Variants in MYO5B observed in about 807,000 individuals in gnomAD.
The protein encoded by MYO5B is unconventional myosin-Vb.
MYO5B carries 143 observed loss-of-function variants against 229.3 expected under a neutral mutation model. That is an observed-to-expected ratio of 0.62 (90% CI 0.54 to 0.72). The LOEUF (loss-of-function observed/expected upper bound fraction) is 0.72. Among genes scored for constraint, MYO5B ranks in the 30% least tolerant of loss-of-function variants. The pLI is 0.00. For synonymous variants in MYO5B, 918 were observed against 885.2 expected, an observed-to-expected ratio of 1.04 and a Z score of -0.66; for missense variants, 2,321 against 2,331.0, an observed-to-expected ratio of 1.00 and a Z score of 0.09.
intron 18 of MYO5B, among the ~76,000 whole-genome samples, chr18:49,907,549 CT>C (rs2024913150): frequency 6.6e-6 from 1 of 152,190 alleles, no homozygotes; most frequent in Non-Finnish European, 1.5e-5. Context: ...CAACTGCCAT[CT>C]CATTTTGCTC....
At chr18:49,843,768 T>C (rs1394080033) in intron 33 of MYO5B, among the ~76,000 whole-genome samples, 1 of 152,222 alleles carries the variant, frequency 6.6e-6, no homozygotes, top group African/African-American at 2.4e-5. Flanking sequence ...GGACAGGGCC[T>C]AGCTCCCACA....
At chr18:50,065,437 C>T (rs1016952709) in intron 1 of MYO5B, among the ~76,000 whole-genome samples, 5 of 152,096 alleles carry the variant, frequency 3.3e-5, no homozygotes, top group African/African-American at 1.2e-4. Context: ...ACAATCATGG[C>T]GGAAGGCGAA....
intron 4 of MYO5B, among the ~76,000 whole-genome samples, chr18:50,023,265 C>T (rs995396735): frequency 1.3e-5 from 2 of 152,076 alleles, no homozygotes; most frequent in Non-Finnish European, 2.9e-5. Flanking sequence ...AATGGGAGCA[C>T]CTGGATTCTA....
rs142306688 is a variant in MYO5B at position 50,099,553 on chromosome 18, T to C, written c.28-44175A>G. Among the ~76,000 whole-genome samples, 848 of 152,260 alleles carry C rather than the reference T, an allele frequency of 5.6e-3. 8 individuals carry two copies. The highest frequency in any genetic ancestry group is 0.019 in the African/African-American group (810 of 41,550). ...GCCAGCCTTGTAAGTAAAACGTAGT[T>C]GATTCTTGGGGTTCTACTACCAACA... On this transcript the variant is annotated intron_variant, in intron 1 of 39. Transcript: ENST00000285039.
chr18:50,079,594 G>A (rs940426054), intron 1 of MYO5B, among the ~76,000 whole-genome samples: 6 of 152,210 alleles, frequency 3.9e-5, no homozygotes, highest in Non-Finnish European at 8.8e-5. Flanking sequence ...TGGTCTCACT[G>A]GCATTGGAGA....
chr18:50,034,252 C>A (rs1034638338), intron 4 of MYO5B, among the ~76,000 whole-genome samples: 2 of 152,158 alleles, frequency 1.3e-5, no homozygotes, highest in African/African-American at 4.8e-5. Context: ...AGACAGTTGA[C>A]AAGTACTGTT....
chr18:49,955,059 G>A (rs901911738), intron 12 of MYO5B, among the ~76,000 whole-genome samples: 5 of 152,134 alleles, frequency 3.3e-5, no homozygotes, highest in African/African-American at 1.2e-4. Context: ...AGTTTGTTGT[G>A]ATCAAGGACT....
chr18:50,038,680 G>A (rs887646064), intron 3 of MYO5B, among the ~76,000 whole-genome samples: 2 of 152,120 alleles, frequency 1.3e-5, no homozygotes, highest in African/African-American at 4.8e-5. Flanking sequence ...AGACTTCTGT[G>A]CCATTCAGTC....
At chr18:49,858,283 C>T (rs1023996831) in intron 29 of MYO5B, among the ~76,000 whole-genome samples, 5 of 152,238 alleles carry the variant, frequency 3.3e-5, no homozygotes, top group African/African-American at 4.8e-5. Flanking sequence ...CATTTTACTA[C>T]GGCCTTTCAT....
intron 27 of MYO5B, among the ~76,000 whole-genome samples, chr18:49,865,820 G>A (rs1320834821): frequency 6.6e-6 from 1 of 152,190 alleles, no homozygotes; most frequent in East Asian, 1.9e-4. Context: ...AGCTCTGGCT[G>A]TTTTTCAAGG....
chr18:50,051,159 T>C (rs900415344), intron 2 of MYO5B, among the ~76,000 whole-genome samples: 1 of 152,134 alleles, frequency 6.6e-6, no homozygotes, highest in South Asian at 2.1e-4. Context: ...TGTTTAACAA[T>C]GTTTTTAATT....
At chr18:49,918,957 A>C (rs1318505443) in intron 17 of MYO5B, among the ~76,000 whole-genome samples, 1 of 152,220 alleles carries the variant, frequency 6.6e-6, no homozygotes, top group Non-Finnish European at 1.5e-5. Flanking sequence ...AGGAACAGGC[A>C]TCCTTAACCT....
In MYO5B at chr18:49,897,449, C is replaced by A. The variant is rs931476840; in HGVS notation, c.2812-2275G>T. On this transcript the variant is annotated intron_variant, in intron 21 of 39. Transcript: ENST00000285039. The stretch of plus-strand genomic sequence containing the variant: ...AAAAAAGTAAAAAAAAATTTTTAAA[C>A]TTAATTTTTAATTTTCCTGGGTACA... Among the ~76,000 whole-genome samples the A allele has an allele frequency of 2.0e-5, 3 of 152,074 alleles. No individual in the cohort carries two copies. The East Asian group carries it at 5.8e-4, about 29-fold the overall frequency.
intron 7 of MYO5B, among the ~76,000 whole-genome samples, chr18:49,986,307 T>C (rs1000907322): frequency 6.6e-6 from 1 of 152,182 alleles, no homozygotes; most frequent in Non-Finnish European, 1.5e-5. Flanking sequence ...CTCCAAGCCA[T>C]ACTGAGCTTT....
chr18:50,021,843 A>G (rs2026278975), intron 4 of MYO5B, among the ~76,000 whole-genome samples: 1 of 151,884 alleles, frequency 6.6e-6, no homozygotes, highest in South Asian at 2.1e-4. Flanking sequence ...TCTGTACCAG[A>G]TCTATGTTAA....
chr18:50,028,855 T>C (rs1254001049), intron 4 of MYO5B, among the ~76,000 whole-genome samples: 1 of 152,218 alleles, frequency 6.6e-6, no homozygotes, highest in African/African-American at 2.4e-5. Flanking sequence ...CTCTTAGCTT[T>C]GTGATTTCAA....
chr18:50,075,947 C>G (rs901330046), intron 1 of MYO5B, among the ~76,000 whole-genome samples: 2 of 152,190 alleles, frequency 1.3e-5, no homozygotes, highest in Non-Finnish European at 2.9e-5. Context: ...GCAGAATGAT[C>G]AGAAGGGCTG....
intron 2 of MYO5B, among the ~76,000 whole-genome samples, chr18:50,050,940 G>C (rs566170342): frequency 6.6e-6 from 1 of 152,298 alleles, no homozygotes; most frequent in Admixed American, 6.5e-5. Context: ...ACGTGCTCTT[G>C]TCGTGGTTCC....
chr18:50,058,000 T>C (rs984633496), intron 1 of MYO5B, among the ~76,000 whole-genome samples: 4 of 152,158 alleles, frequency 2.6e-5, no homozygotes, highest in Non-Finnish European at 4.4e-5. Context: ...TGTTTTTCTA[T>C]AGCCCATGAG....
Sources: allele counts gnomAD v4.1 joint callset (sites outside exome capture counted in the v4.1 genomes callset), GRCh38; gene constraint gnomAD v4.1.1; transcripts MANE v1.5; gene names NCBI Gene and HGNC (gene_info 2026-07-23, HGNC 2026-07-21).